The following RIT2 variants were observed in gnomAD, a reference collection of about 807,000 sequenced individuals.
RIT2 encodes GTP-binding protein Rit2.
Under a neutral mutation model 23.7 loss-of-function variants are expected in RIT2, and 24 were observed. That is an observed-to-expected ratio of 1.01 (90% CI 0.73 to 1.43). The LOEUF is 1.43. Ranked by LOEUF, RIT2 falls within the 40% of genes most tolerant of loss-of-function variation. The probability of loss-of-function intolerance (pLI) is 0.00; values close to 1 mark genes in which losing one functional copy is unlikely to be tolerated. For missense variants in RIT2, 236 were observed against 266.9 expected (o/e 0.88, Z 0.81); for synonymous variants, 107 against 91.1 (o/e 1.17, Z -0.99).
chr18:42,743,792 TA>T, intron 4 of RIT2, 72 bp from the exon 5 acceptor site: 1 of 1,186,072 alleles, frequency 8.4e-7, no homozygotes, highest in Non-Finnish European at 1.2e-6. Context: ...CGTTCTCTAC[TA>T]GAGCTGTGTG....
intron 4 of RIT2, among the ~76,000 whole-genome samples, chr18:42,837,153 C>CTTTTTTTTT (rs570701535): frequency 0.014 from 716 of 51,728 alleles, 85 homozygotes; most frequent in African/African-American, 0.02. Context: ...TTTTCTTTTT[C>CTTTTTTTTT]TTTTTTTTTT....
intron 4 of RIT2, among the ~76,000 whole-genome samples, chr18:42,843,778 T>C (rs571964694): frequency 6.6e-6 from 1 of 152,198 alleles, no homozygotes; most frequent in South Asian, 2.1e-4. Flanking sequence ...ACTGGAGAGA[T>C]AGTGATGAAA....
chr18:42,774,254 T>C lies in RIT2; in HGVS notation c.427-30534A>G, dbSNP rs201982668. On this transcript the variant is annotated intron_variant, in intron 4 of 4. Coordinates refer to ENST00000326695, the MANE Select transcript of RIT2 (RefSeq NM_002930.4). ...ACGGTAGACTCAATGGTGGTTTCTT[T>C]GCTTCACTTTGCTTTGCATTGCTTT... Among the ~76,000 whole-genome samples, 3 of 152,348 alleles carry C rather than the reference T, an allele frequency of 2.0e-5. No individual in the cohort carries two copies. The East Asian group carries it at 5.8e-4, about 29-fold the overall frequency.
At chr18:43,062,302 T>C (rs1285814301) in intron 1 of RIT2, among the ~76,000 whole-genome samples, 1 of 152,144 alleles carries the variant, frequency 6.6e-6, no homozygotes, top group Non-Finnish European at 1.5e-5. Context: ...GTCTATACTT[T>C]ACTTCAAGAC....
chr18:42,854,064 T>C (rs1907121935), intron 4 of RIT2, among the ~76,000 whole-genome samples: 1 of 152,202 alleles, frequency 6.6e-6, no homozygotes, highest in South Asian at 2.1e-4. Flanking sequence ...TAATTCATTG[T>C]TTAACTTTAT....
intron 1 of RIT2, among the ~76,000 whole-genome samples, chr18:43,092,114 A>G (rs1395619607): frequency 1.3e-5 from 2 of 152,086 alleles, no homozygotes; most frequent in Non-Finnish European, 2.9e-5. Flanking sequence ...ACTTTCCAAC[A>G]TACCGGGACC....
chr18:42,819,814 T>G lies in RIT2; in HGVS notation c.427-76094A>C, dbSNP rs17712440. On this transcript the variant is annotated intron_variant, in intron 4 of 4. Transcript: ENST00000326695. ...CAACATGTACAAAAAACAATGGATGTTTTCTATGTGATACTAATGTGGGTA... is the reference window on the plus strand; with the variant it reads ...CAACATGTACAAAAAACAATGGATGGTTTCTATGTGATACTAATGTGGGTA... Among the ~76,000 whole-genome samples the G allele has an allele frequency of 8.4e-3, 1,271 of 152,166 alleles. 7 individuals carry two copies. Among genetic ancestry groups the G allele is most frequent in the Non-Finnish European group, 0.014 (974 of 67,974 alleles).
chr18:42,954,267 C>T (rs1350339001), intron 3 of RIT2, among the ~76,000 whole-genome samples: 1 of 150,028 alleles, frequency 6.7e-6, no homozygotes, highest in Non-Finnish European at 1.5e-5. Context: ...ATCCCGGCTA[C>T]TTGGGAGGCT....
At chr18:42,898,284 C>T (rs1908384840) in intron 4 of RIT2, among the ~76,000 whole-genome samples, 1 of 152,096 alleles carries the variant, frequency 6.6e-6, no homozygotes, top group South Asian at 2.1e-4. Flanking sequence ...GTCCCAGCTA[C>T]TTGGGAAGCT....
intron 3 of RIT2, among the ~76,000 whole-genome samples, chr18:42,956,522 G>T (rs1054572479): frequency 2.0e-5 from 3 of 152,106 alleles, no homozygotes; most frequent in Admixed American, 1.3e-4. Context: ...GCTCCATTTC[G>T]TCGGTTTGAG....
chr18:42,870,751 C>A (rs775440586), intron 4 of RIT2, among the ~76,000 whole-genome samples: 11 of 152,162 alleles, frequency 7.2e-5, no homozygotes, highest in Non-Finnish European at 1.3e-4. Flanking sequence ...GGCAATATGG[C>A]AGCCCTGCTG....
At chr18:42,774,491 AG>A in intron 4 of RIT2, among the ~76,000 whole-genome samples, 1 of 152,186 alleles carries the variant, frequency 6.6e-6, no homozygotes. Context: ...ATAAAAAAAA[AG>A]AAAAGGTAAA....
chr18:42,988,460 G>A (rs906271086), intron 2 of RIT2, among the ~76,000 whole-genome samples: 1 of 152,084 alleles, frequency 6.6e-6, no homozygotes, highest in African/African-American at 2.4e-5. Context: ...ATTTCTGACC[G>A]TGTTGGTGAG....
chr18:42,927,049 T>C (rs1909196741), intron 3 of RIT2, among the ~76,000 whole-genome samples: 1 of 151,956 alleles, frequency 6.6e-6, no homozygotes, highest in Non-Finnish European at 1.5e-5. Flanking sequence ...GATGTTAAAA[T>C]GCTTTGATGA....
intron 4 of RIT2, among the ~76,000 whole-genome samples, chr18:42,825,517 A>G (rs896734396): frequency 2.0e-5 from 3 of 151,878 alleles, no homozygotes; most frequent in Non-Finnish European, 4.4e-5. Flanking sequence ...ACTAAAACAT[A>G]TTTGATTAAA....
rs141943969 is a variant in RIT2 at position 43,086,498 on chromosome 18, A to C, written c.103+28919T>G. On this transcript the variant is annotated intron_variant, in intron 1 of 4. Transcript: ENST00000326695. The stretch of plus-strand genomic sequence containing the variant: ...GAGCTGTTGGAGAATTTACATGTGA[A>C]TAGCAGGGTAAAACGTAAATGTAAC... Among the ~76,000 whole-genome samples, 205 of 152,324 alleles carry C rather than the reference A, an allele frequency of 1.3e-3. 2 individuals are homozygous for C. Among genetic ancestry groups the C allele is most frequent in the African/African-American group, 4.9e-3 (202 of 41,582 alleles).
chr18:43,090,448 G>A (rs1244720777), intron 1 of RIT2, among the ~76,000 whole-genome samples: 1 of 152,110 alleles, frequency 6.6e-6, no homozygotes, highest in Admixed American at 6.6e-5. Context: ...CAGCCATGTG[G>A]AAGACAGTGT....
intron 3 of RIT2, among the ~76,000 whole-genome samples, chr18:42,940,236 C>CTATATATATATA (rs5824460): frequency 0.011 from 923 of 86,770 alleles, 26 homozygotes; most frequent in East Asian, 0.021. Context: ...GAAAGGCTCA[C>CTATATATATATA]TATATATATA....
intron 4 of RIT2, among the ~76,000 whole-genome samples, chr18:42,763,438 G>T (rs1350078377): frequency 1.3e-5 from 2 of 148,486 alleles, no homozygotes; most frequent in Non-Finnish European, 3.0e-5. Flanking sequence ...CTCCAGCCTG[G>T]GCAACAGAGC....
Sources: gnomAD v4.1 joint callset for allele counts (sites outside exome capture counted in the v4.1 genomes callset) on GRCh38, gnomAD v4.1.1 for gene constraint, MANE v1.5 for transcripts, NCBI Gene and HGNC (gene_info 2026-07-23, HGNC 2026-07-21) for gene names.